The following SIPA1L1 variants were observed in gnomAD, a reference collection of about 807,000 sequenced individuals.
SIPA1L1 encodes the protein signal-induced proliferation-associated 1-like protein 1.
Under a neutral mutation model 162.7 loss-of-function variants are expected in SIPA1L1, and 26 were observed. That is an observed-to-expected ratio of 0.16 (90% CI 0.12 to 0.22). The LOEUF is 0.22. Ranked by LOEUF, SIPA1L1 falls within the 10% of genes least tolerant of loss-of-function variation. The probability of loss-of-function intolerance (pLI) is 1.00; values close to 1 mark genes in which losing one functional copy is unlikely to be tolerated. For missense variants in SIPA1L1, 1,874 were observed against 2,241.0 expected (o/e 0.84, Z 3.31); for synonymous variants, 829 against 837.4 (o/e 0.99, Z 0.17).
rs1033352237 is a variant in SIPA1L1 at position 71,674,930 on chromosome 14, T to C, written c.3104+2308T>C. 2.6e-5 allele frequency among the ~76,000 whole-genome samples: 4 copies of C among 152,198 alleles called. No individual in the cohort carries two copies. The South Asian group carries it at 6.2e-4, about 24-fold the overall frequency. ...ACTTGCTAAGCTCATCTGACAAATT[T>C]AGGTCTAACATCAGAGTCCAGGCTC... On this transcript the variant is annotated intron_variant, in intron 12 of 23. Transcript: ENST00000381232.
chr14:71,732,819 T>G (rs1394009233), intron 20 of SIPA1L1, among the ~76,000 whole-genome samples: 2 of 152,230 alleles, frequency 1.3e-5, no homozygotes, highest in Admixed American at 6.5e-5. Flanking sequence ...TCACACCCCC[T>G]TGGACACCTT....
intron 6 of SIPA1L1, among the ~76,000 whole-genome samples, chr14:71,622,269 AGTTT>A (rs1348220374): frequency 6.6e-6 from 1 of 152,272 alleles, no homozygotes; most frequent in African/African-American, 2.4e-5. Context: ...TAGGCATGGC[AGTTT>A]GTTTATGAGC....
chr14:71,338,245 G>A (rs1179120522), intron 2 of SIPA1L1, among the ~76,000 whole-genome samples: 2 of 152,198 alleles, frequency 1.3e-5, no homozygotes, highest in African/African-American at 4.8e-5. Context: ...AGTTCATCAA[G>A]GGTGTTTAGC....
intron 2 of SIPA1L1, chr14:71,400,678 T>G (rs1466474570): frequency 2.0e-5 from 3 of 151,808 alleles, no homozygotes; most frequent in Admixed American, 6.6e-5. Context: ...AATATATACA[T>G]ATTAAACATT....
At chr14:71,718,915 C>T (rs183102124) in intron 17 of SIPA1L1, among the ~76,000 whole-genome samples, 1 of 151,846 alleles carries the variant, frequency 6.6e-6, no homozygotes, top group East Asian at 1.9e-4. Context: ...TTTGGATATT[C>T]AGAATCTTTG....
intron 7 of SIPA1L1, among the ~76,000 whole-genome samples, chr14:71,647,803 G>A (rs1300536056): frequency 1.3e-5 from 2 of 152,112 alleles, no homozygotes; most frequent in African/African-American, 2.4e-5. Flanking sequence ...CTGTGGGAGC[G>A]TTCCCTTCTA....
At chr14:71,471,151 T>G (rs1201902927) in intron 2 of SIPA1L1, among the ~76,000 whole-genome samples, 2 of 151,944 alleles carry the variant, frequency 1.3e-5, no homozygotes, top group Non-Finnish European at 2.9e-5. Context: ...GCCTCAGAGG[T>G]TTTTTTAGGA....
At chr14:71,427,518 T>C (rs138399479) in intron 2 of SIPA1L1, among the ~76,000 whole-genome samples, 280 of 152,294 alleles carry the variant, frequency 1.8e-3, no homozygotes, top group Non-Finnish European at 2.5e-3. Flanking sequence ...TCTTTGAGTT[T>C]TCTTGTCTCC....
intron 2 of SIPA1L1, among the ~76,000 whole-genome samples, chr14:71,480,610 A>G (rs988385677): frequency 3.3e-5 from 5 of 151,860 alleles, no homozygotes; most frequent in South Asian, 4.2e-4. Context: ...AAAAATACAA[A>G]AATTAGCTGG....
At chr14:71,344,877 A>AT (rs2036003766) in intron 2 of SIPA1L1, among the ~76,000 whole-genome samples, 1 of 151,762 alleles carries the variant, frequency 6.6e-6, no homozygotes, top group Admixed American at 6.6e-5. Flanking sequence ...CAACTTTTCA[A>AT]TTTTTTCTAG....
intron 3 of SIPA1L1, among the ~76,000 whole-genome samples, chr14:71,519,027 A>G (rs148813852): frequency 1.8e-3 from 278 of 152,280 alleles, no homozygotes; most frequent in African/African-American, 6.1e-3. Context: ...CCATGATTCA[A>G]TTACCTTCCC....
intron 4 of SIPA1L1, among the ~76,000 whole-genome samples, chr14:71,583,834 A>G (rs983017905): frequency 1.3e-5 from 2 of 152,148 alleles, no homozygotes; most frequent in African/African-American, 4.8e-5. Flanking sequence ...GTAACAGCAT[A>G]GAGATGATAT....
chr14:71,373,918 C>G (rs370377986), intron 2 of SIPA1L1, among the ~76,000 whole-genome samples: 1 of 151,998 alleles, frequency 6.6e-6, no homozygotes, highest in African/African-American at 2.4e-5. Flanking sequence ...AAGAAAAAAT[C>G]CTTAGACTCA....
intron 11 of SIPA1L1, among the ~76,000 whole-genome samples, chr14:71,671,901 CTGTGTGTGTGTG>C (rs34919280): frequency 0.014 from 2,057 of 142,690 alleles, 19 homozygotes; most frequent in Non-Finnish European, 0.022. Flanking sequence ...CACATTTACT[CTGTGTGTGTGTG>C]TGTGTGTGTG....
At chr14:71,695,934 CCCCTTTCAGATCACCTTACAATTAATT>C (rs1411673953) in intron 13 of SIPA1L1, among the ~76,000 whole-genome samples, 2 of 152,140 alleles carry the variant, frequency 1.3e-5, no homozygotes, top group African/African-American at 4.8e-5. Context: ...CCTATTCATA[CCCCTTTCAGATCACCTTACAATTAATT>C]ACTTTAGAAT....
intron 4 of SIPA1L1, among the ~76,000 whole-genome samples, chr14:71,549,053 A>G (rs953831140): frequency 5.3e-5 from 8 of 152,184 alleles, no homozygotes; most frequent in African/African-American, 1.9e-4. Flanking sequence ...CTTACATATG[A>G]TAAAAATGCC....
At chr14:71,544,075 G>A (rs191891235) in intron 4 of SIPA1L1, among the ~76,000 whole-genome samples, 132 of 147,280 alleles carry the variant, frequency 9.0e-4, no homozygotes, top group South Asian at 4.5e-3. Context: ...ACACACGCAC[G>A]CACATGTATG....
intron 2 of SIPA1L1, among the ~76,000 whole-genome samples, chr14:71,367,452 G>A (rs1474150017): frequency 2.0e-5 from 3 of 151,278 alleles, no homozygotes; most frequent in Admixed American, 6.6e-5. Context: ...GACTACAGGC[G>A]CCCGCCACCG....
intron 2 of SIPA1L1, among the ~76,000 whole-genome samples, chr14:71,423,986 G>A (rs2043377661): frequency 6.6e-6 from 1 of 152,030 alleles, no homozygotes; most frequent in Non-Finnish European, 1.5e-5. Context: ...GCAGTGTTTT[G>A]TAGTTTTCAT....
Sources: gnomAD v4.1 joint callset for allele counts (sites outside exome capture counted in the v4.1 genomes callset) on GRCh38, gnomAD v4.1.1 for gene constraint, MANE v1.5 for transcripts, NCBI Gene and HGNC (gene_info 2026-07-23, HGNC 2026-07-21) for gene names.